Variants in ENDOV observed in about 807,000 individuals in gnomAD.
The protein encoded by ENDOV is hEndoV.
ENDOV carries 37 observed loss-of-function variants against 39.4 expected under a neutral mutation model. That is an observed-to-expected ratio of 0.94 (90% CI 0.72 to 1.23). The LOEUF (loss-of-function observed/expected upper bound fraction) is 1.23. Ranked by LOEUF, ENDOV falls within the 50% of genes most tolerant of loss-of-function variation. The pLI is 0.00. For missense variants in ENDOV, 441 were observed against 375.7 expected (o/e 1.17, Z -1.44); for synonymous variants, 186 against 163.4 (o/e 1.14, Z -1.05).
intron 9 of ENDOV, among the ~76,000 whole-genome samples, chr17:80,431,554 A>G (rs1568255114): frequency 6.6e-6 from 1 of 152,236 alleles, no homozygotes; most frequent in Non-Finnish European, 1.5e-5. Context: ...GCTGCCATCC[A>G]TCGGCAACGC....
At chr17:80,422,184 G>C in intron 3 of ENDOV, 22 bp from the exon 4 acceptor site, 1 of 1,613,540 alleles carries the variant, frequency 6.2e-7, no homozygotes, top group Non-Finnish European at 8.5e-7. Flanking sequence ...AGCTGACTGT[G>C]ACTCTCCCTG....
chr17:80,430,770 C>T (rs1194020484), intron 9 of ENDOV, among the ~76,000 whole-genome samples: 1 of 152,224 alleles, frequency 6.6e-6, no homozygotes, highest in African/African-American at 2.4e-5. Flanking sequence ...ACCGTCCCCA[C>T]AGGCTCTGAA....
intron 3 of ENDOV, 106 bp from the exon 4 acceptor site, chr17:80,422,100 A>G (rs1292498123): frequency 1.9e-6 from 3 of 1,572,390 alleles, no homozygotes; most frequent in East Asian, 4.6e-5. Context: ...GGATTTCTAA[A>G]AAGCTGGACC....
At chr17:80,415,460 C>T (rs922662128) in intron 1 of ENDOV, 190 bp from the exon 2 acceptor site, 28 of 991,916 alleles carry the variant, frequency 2.8e-5, no homozygotes, top group South Asian at 1.2e-4. Context: ...GCCAGTTTGT[C>T]TGGCCTGCGC....
chr17:80,428,642 C>T lies in ENDOV; in HGVS notation c.761C>T (p.Pro254Leu). The change falls in exon 8 of 10, where the codon CCC becomes CTC. Residue 254 changes from proline (P) to leucine (L), a missense_variant. Pro to Leu is a moderately conservative substitution (Grantham distance 98). Coordinates refer to ENST00000518137, the MANE Select transcript of ENDOV (RefSeq NM_173627.5). ...REHIRKSLGL[P>L]GPPTPRSPKA... ...CACATCCGCAAGTCGCTGGGACTCC[C>T]CGGGCCACCCACACCGAGGTGAGCA... The T allele has an allele frequency of 1.3e-6, 2 of 1,583,248 alleles. No individual in the cohort carries two copies. The highest frequency in any genetic ancestry group is 1.7e-6 in the Non-Finnish European group (2 of 1,165,154).
chr17:80,421,985 G>C, intron 3 of ENDOV, 23 bp downstream of exon 3: 1 of 1,604,808 alleles, frequency 6.2e-7, no homozygotes, highest in Non-Finnish European at 8.5e-7. Flanking sequence ...TCCCTAGGAC[G>C]AGAGAAAGGT....
intron 1 of ENDOV, 104 bp downstream of exon 1, chr17:80,415,354 C>T: frequency 3.0e-6 from 4 of 1,354,436 alleles, no homozygotes; most frequent in Non-Finnish European, 4.1e-6. Flanking sequence ...GGAGCTGCCA[C>T]CGCCCGAGAC....
rs549246635 is a variant in ENDOV, at chr17:80,421,933, C to T, written c.334C>T (p.Arg112Trp). 329 of 1,610,952 alleles carry T rather than the reference C, an allele frequency of 2.0e-4. 5 individuals carry two copies. Among genetic ancestry groups the T allele is most frequent in the South Asian group, 1.7e-3 (154 of 90,782 alleles). The change falls in exon 3 of 10, where the codon CGG becomes TGG. Residue 112 changes from arginine to tryptophan, a missense_variant. By Grantham distance (101) the Arg-to-Trp change is moderately radical (BLOSUM62 -3). Transcript: ENST00000518137. ...CTTGCTGGAGCTGGTGCAGCAGCTG[C>T]GGGAGAAGGAGCCGGGCCTCATGCC... ...PFLLELVQQL[R>W]EKEPGLMPQV...
At chr17:80,427,829 G>A (rs754230444) in intron 7 of ENDOV, 94 of 1,285,698 alleles carry the variant, frequency 7.3e-5, no homozygotes, top group Non-Finnish European at 9.2e-5. Context: ...TGCCAGGCCA[G>A]GCTGGGCCGC....
chr17:80,415,716 C>G lies in ENDOV; in HGVS notation c.123C>G (p.Ala41=). 2 of 1,610,160 alleles carry G rather than the reference C, an allele frequency of 1.2e-6. No homozygotes were observed. Among genetic ancestry groups the G allele is most frequent in the Non-Finnish European group, 1.7e-6 (2 of 1,178,388 alleles). The change falls in exon 2 of 10, where the codon GCC becomes GCG. Residue 41 remains alanine (A), a synonymous_variant. Transcript: ENST00000518137. ...RDTEAWQRDP[A]FSGLQRVGGV... is the part of the protein sequence containing the mutation. ...CCGAGGCGTGGCAGCGAGACCCCGCCTTCTCGGGTCTGCAGAGGGTCGGGG... is the reference window on the plus strand; with the variant it reads ...CCGAGGCGTGGCAGCGAGACCCCGCGTTCTCGGGTCTGCAGAGGGTCGGGG...
intron 9 of ENDOV, chr17:80,433,258 T>A: frequency 1.9e-6 from 1 of 518,714 alleles, no homozygotes; most frequent in Non-Finnish European, 3.9e-6. Context: ...CCTGCCCATG[T>A]GGTGGGGGAT....
At position 80,419,423 on chromosome 17, in the gene ENDOV, G is replaced by T. The variant is rs566315047; in HGVS notation, c.229-2405G>T. 2.4e-3 allele frequency: 1,474 copies of T among 611,906 alleles called. 6 individuals are homozygous for T. Among genetic ancestry groups the T allele is most frequent in the Non-Finnish European group, 3.3e-3 (1,123 of 335,442 alleles). 37.9% of individuals were successfully genotyped at this position (611,906 alleles called of 1,614,324 possible). A position where few individuals can be genotyped will look rare whatever the true frequency, so the allele number is the denominator to read the frequency against. On this transcript the variant is annotated intron_variant, in intron 2 of 9. Coordinates refer to ENST00000518137, the MANE Select transcript of ENDOV (RefSeq NM_173627.5). The stretch of plus-strand genomic sequence containing the variant: ...ATGGCTGGTGTGTGCTGCTCCGCAG[G>T]CCTCTGGCGGAGCCCATTCCATGCC...
chr17:80,427,266 G>A (rs1250381347), intron 7 of ENDOV, among the ~76,000 whole-genome samples: 1 of 152,214 alleles, frequency 6.6e-6, no homozygotes, highest in Non-Finnish European at 1.5e-5. Flanking sequence ...TTCCGAGAGA[G>A]AACCCAAGAA....
intron 2 of ENDOV, 108 bp downstream of exon 2, chr17:80,415,929 A>T: frequency 2.2e-6 from 3 of 1,394,874 alleles, no homozygotes; most frequent in Non-Finnish European, 2.9e-6. Flanking sequence ...CTCGTTTTGT[A>T]GGATGTCATT....
intron 8 of ENDOV, 89 bp downstream of exon 8, chr17:80,428,749 C>T: frequency 7.6e-7 from 1 of 1,308,220 alleles, no homozygotes; most frequent in Non-Finnish European, 1.1e-6. Context: ...CTCCTTGTTG[C>T]AATATTGTGG....
At chr17:80,423,475 CCCCAG>C in intron 4 of ENDOV, 40 bp from the exon 5 acceptor site, 36 of 1,342,094 alleles carry the variant, frequency 2.7e-5, no homozygotes, top group Non-Finnish European at 3.4e-5. Flanking sequence ...CTGTGCCAGG[CCCCAG>C]CCCCACCTCC....
intron 2 of ENDOV, chr17:80,420,106 CGT>C (rs2081797092): frequency 5.1e-6 from 1 of 196,600 alleles, no homozygotes; most frequent in South Asian, 9.7e-5. Flanking sequence ...TCTTTGTGTG[CGT>C]GTGTACCGTA....
At chr17:80,433,102 T>TG in intron 9 of ENDOV, 1 of 520,044 alleles carries the variant, frequency 1.9e-6, no homozygotes, top group South Asian at 1.4e-5. Context: ...GAGCTTTCCC[T>TG]GTCCAGAGCT....
chr17:80,415,212 G>C lies in ENDOV; in HGVS notation c.18G>C (p.Ala6=). The C allele has an allele frequency of 1.9e-6, 3 of 1,613,338 alleles. No homozygotes were observed. The highest frequency in any genetic ancestry group is 2.5e-6 in the Non-Finnish European group (3 of 1,179,704). The change falls in exon 1 of 10, where the codon GCG becomes GCC. Residue 6 remains alanine (A), a synonymous_variant. Transcript: ENST00000518137. ...ACGAAGCCATGGCCCTGGAGGCGGC[G>C]GGAGGGCCGCCGGAGGAAACGCTGT... MALEA[A]GGPPEETLSL... is the part of the protein sequence containing the mutation.
Sources: allele counts gnomAD v4.1 joint callset (sites outside exome capture counted in the v4.1 genomes callset), GRCh38; gene constraint gnomAD v4.1.1; transcripts MANE v1.5; gene names NCBI Gene and HGNC (gene_info 2026-07-23, HGNC 2026-07-21).